The following DHX30 variants were observed in gnomAD, a reference collection of about 807,000 sequenced individuals.
The protein encoded by DHX30 is DExH-box helicase 30.
Under a neutral mutation model 116.9 loss-of-function variants are expected in DHX30, and 4 were observed. The ratio of observed to expected loss-of-function variants is 0.03; its 90% CI spans 0.02 to 0.08. The LOEUF (loss-of-function observed/expected upper bound fraction) is 0.08, where lower values mean the gene tolerates loss of function less well. DHX30 is among the 10% of genes least tolerant of loss of function. The pLI, the probability that DHX30 is intolerant of heterozygous loss-of-function variation, is 1.00. For synonymous variants in DHX30, 697 were observed against 651.7 expected (o/e 1.07, Z -1.06); for missense variants, 871 against 1,595.1 (o/e 0.55, Z 7.73).
Position 47,846,926 on chromosome 3 carries a change from C to G in DHX30, c.1854C>G (p.Val618=). The G allele has an allele frequency of 6.2e-7, 1 of 1,613,628 alleles. No homozygotes were observed. The highest frequency in any genetic ancestry group is 1.6e-4 in the Middle Eastern group (1 of 6,062). Residue 618 remains valine, a synonymous_variant, in exon 11 of 22, where the codon GTC becomes GTG. Coordinates refer to ENST00000445061, the MANE Select transcript of DHX30 (RefSeq NM_138615.3). ...VIKVPGFMYP[V]KEHYLEDILA... ...AGGTGCCTGGCTTCATGTACCCAGT[C>G]AAGGAGCACTACCTAGAGGACATCC...
chr3:47,848,674 C>T lies in DHX30; in HGVS notation c.2626C>T (p.His876Tyr). ...GACTACCCTGGGGCAGCGCCTGGCT[C>T]ACATCTCCACCGACCCCCGGTTGGC... ...YLTTLGQRLA[H>Y]ISTDPRLAKA... Residue 876 changes from histidine to tyrosine, a missense_variant, in exon 17 of 22, where the codon CAC (histidine) becomes TAC (tyrosine). Physicochemically the swap from His to Tyr is moderately conservative, Grantham distance 83. Coordinates refer to ENST00000445061, the MANE Select transcript of DHX30 (RefSeq NM_138615.3). This position sits in a 1 kb window ranked among gnomAD's most constrained non-coding sequence, Gnocchi z 9.4. 1 of 1,614,090 alleles carries T rather than the reference C, an allele frequency of 6.2e-7. No homozygotes were observed. The highest frequency in any genetic ancestry group is 8.5e-7 in the Non-Finnish European group (1 of 1,179,988).
intron 6 of DHX30, among the ~76,000 whole-genome samples, chr3:47,830,457 AT>A (rs1296499016): frequency 2.0e-5 from 3 of 151,886 alleles, no homozygotes; most frequent in South Asian, 2.1e-4. Context: ...CAAAAAAAAA[AT>A]AATAATAAAT....
intron 4 of DHX30, chr3:47,824,706 A>T (rs1287691689): frequency 2.6e-5 from 6 of 229,080 alleles, no homozygotes; most frequent in Non-Finnish European, 5.0e-5. Flanking sequence ...CCTAGAGGGA[A>T]CTAACTTCGC....
chr3:47,803,603 G>C (rs2035391710), intron 1 of DHX30, among the ~76,000 whole-genome samples: 1 of 152,208 alleles, frequency 6.6e-6, no homozygotes, highest in Non-Finnish European at 1.5e-5. Flanking sequence ...AGTGCCCCGA[G>C]ACCTTTGTCT....
intron 3 of DHX30, among the ~76,000 whole-genome samples, chr3:47,814,834 A>T: frequency 6.6e-6 from 1 of 151,156 alleles, no homozygotes. Context: ...TTTGTTAGTT[A>T]GTTTTGTTTT....
intron 2 of DHX30, among the ~76,000 whole-genome samples, chr3:47,806,775 T>C (rs572183585): frequency 2.5e-4 from 38 of 151,950 alleles, no homozygotes; most frequent in Admixed American, 1.6e-3. Context: ...GTATTTTTAG[T>C]AGAGACAGGA....
At chr3:47,833,775 T>C (rs1559707489) in intron 6 of DHX30, among the ~76,000 whole-genome samples, 1 of 151,640 alleles carries the variant, frequency 6.6e-6, no homozygotes, top group Non-Finnish European at 1.5e-5. Context: ...GGAGAATCGG[T>C]TGAACCCAGG....
intron 7 of DHX30, 96 bp downstream of exon 7, chr3:47,841,274 C>A: frequency 6.7e-7 from 1 of 1,500,790 alleles, no homozygotes; most frequent in Non-Finnish European, 8.9e-7. Context: ...GATGGGAGCG[C>A]CCCTGCCTCA....
At chr3:47,833,878 ATTCTC>A (rs1262254226) in intron 6 of DHX30, among the ~76,000 whole-genome samples, 2 of 152,020 alleles carry the variant, frequency 1.3e-5, no homozygotes, top group Non-Finnish European at 2.9e-5. Context: ...AAAAAAATGT[ATTCTC>A]TTAGCAAATT....
At chr3:47,841,451 T>C (rs542947230) in intron 7 of DHX30, among the ~76,000 whole-genome samples, 166 bp from the exon 8 acceptor site, 2 of 152,316 alleles carry the variant, frequency 1.3e-5, no homozygotes, top group East Asian at 3.9e-4. Flanking sequence ...CCCCATGCAG[T>C]GTGGCTGTGG....
intron 3 of DHX30, among the ~76,000 whole-genome samples, chr3:47,817,613 C>T (rs577077670): frequency 2.6e-5 from 4 of 152,254 alleles, no homozygotes; most frequent in African/African-American, 4.8e-5. Context: ...ATCTGGGGAA[C>T]GCATAGCAAA....
chr3:47,838,776 C>T (rs1576504484), intron 6 of DHX30, among the ~76,000 whole-genome samples: 1 of 152,354 alleles, frequency 6.6e-6, no homozygotes, highest in East Asian at 1.9e-4. Context: ...TTTGCAGTTG[C>T]TCCTGTTCTC....
rs1380575033 is a variant in DHX30 at position 47,849,762 on chromosome 3, C to T, written c.3324C>T (p.His1108=). 1.9e-6 allele frequency: 3 copies of T among 1,612,564 alleles called. No individual in the cohort carries two copies. The highest frequency in any genetic ancestry group is 2.7e-5 in the African/African-American group (2 of 74,916). ...AVLLLTDGDV[H]IRDDGRRATI... ...TGCTGCTGACCGACGGGGACGTGCACATCCGTGGTGGGTGCCTGCAGGCCT... is the reference window on the plus strand; with the variant it reads ...TGCTGCTGACCGACGGGGACGTGCATATCCGTGGTGGGTGCCTGCAGGCCT... Residue 1108 remains histidine (H), a synonymous_variant, in exon 21 of 22, where the codon CAC becomes CAT. Coordinates refer to ENST00000445061, the MANE Select transcript of DHX30 (RefSeq NM_138615.3).
At chr3:47,819,525 C>T (rs1295483542) in intron 4 of DHX30, among the ~76,000 whole-genome samples, 1 of 152,198 alleles carries the variant, frequency 6.6e-6, no homozygotes, top group Non-Finnish European at 1.5e-5. Context: ...TGCATTTTGC[C>T]TTCTCTCTCT....
intron 6 of DHX30, among the ~76,000 whole-genome samples, chr3:47,832,627 C>CTT (rs1232599849): frequency 7.7e-5 from 11 of 142,756 alleles, no homozygotes; most frequent in African/African-American, 2.1e-4. Flanking sequence ...ACATCTAATT[C>CTT]TTTTTTTTTT....
At chr3:47,845,463 A>G in intron 9 of DHX30, 1 of 335,644 alleles carries the variant, frequency 3.0e-6, no homozygotes, top group Non-Finnish European at 5.2e-6. Flanking sequence ...CTGGGATTAC[A>G]GGCGTGAGCC....
At chr3:47,808,610 C>T (rs991723383) in intron 2 of DHX30, among the ~76,000 whole-genome samples, 2 of 149,814 alleles carry the variant, frequency 1.3e-5, no homozygotes, top group African/African-American at 4.9e-5. Context: ...GAGTCTCGCT[C>T]TGTTGCCCAG....
intron 2 of DHX30, among the ~76,000 whole-genome samples, chr3:47,809,394 A>G (rs1370140975): frequency 6.6e-6 from 1 of 151,452 alleles, no homozygotes; most frequent in East Asian, 1.9e-4. Context: ...GGCCCGCACA[A>G]CCATGCCTGG....
Position 47,842,039 on chromosome 3 carries a change from T to A in DHX30, c.789+302T>A, listed in dbSNP as rs191834833. The A allele has an allele frequency of 2.2e-4, 71 of 323,390 alleles. 1 individual carries two copies. In the Admixed American group the frequency reaches 3.1e-3, roughly 14 times the overall value. The allele number at this position is 323,390 out of a possible 1,614,324, so 20.0% of individuals were successfully genotyped here. On this transcript the variant is annotated intron_variant, in intron 8 of 21. Coordinates refer to ENST00000445061, the MANE Select transcript of DHX30 (RefSeq NM_138615.3). ...GGTCTTGGTGAGGTATGAATTTCTCTCTTGCTGCCAGGCGAAGGGGCTTTG... is the reference window on the plus strand; with the variant it reads ...GGTCTTGGTGAGGTATGAATTTCTCACTTGCTGCCAGGCGAAGGGGCTTTG...
Sources: allele counts gnomAD v4.1 joint callset (sites outside exome capture counted in the v4.1 genomes callset), GRCh38; gene constraint gnomAD v4.1.1; non-coding constraint Gnocchi (gnomAD v3.1); transcripts MANE v1.5; gene names NCBI Gene and HGNC (gene_info 2026-07-23, HGNC 2026-07-21).